Variants in SV2C observed in about 807,000 individuals in gnomAD.
The protein encoded by SV2C is solute carrier family 22 member B3.
In SV2C, 49 loss-of-function variants were observed where a neutral mutation model predicts 79.7. That is an observed-to-expected ratio of 0.61 (90% CI 0.49 to 0.78). The LOEUF is 0.78. Among genes scored for constraint, SV2C ranks in the 30% least tolerant of loss-of-function variants. SV2C has a pLI of 0.00. For missense variants in SV2C, 833 were observed against 912.9 expected (o/e 0.91, Z 1.13); for synonymous variants, 334 against 333.2 (o/e 1.00, Z -0.03).
At chr5:76,000,279 C>G in the SV2C span, among the ~76,000 whole-genome samples, 1 of 152,076 alleles carries the variant, frequency 6.6e-6, no homozygotes, top group African/African-American at 2.4e-5. Flanking sequence ...TATTTTTACC[C>G]TCTCCATGGC....
the SV2C span, among the ~76,000 whole-genome samples, chr5:76,077,178 A>T: frequency 2.0e-5 from 3 of 151,164 alleles, no homozygotes; most frequent in Admixed American, 6.6e-5. Context: ...AGTTTCATTT[A>T]AAAAAAAACA....
chr5:75,917,203 T>A, the SV2C span, among the ~76,000 whole-genome samples: 1 of 152,200 alleles, frequency 6.6e-6, no homozygotes, highest in Non-Finnish European at 1.5e-5. Flanking sequence ...AGATAGTTAT[T>A]TTTTTCAAAA....
intron 1 of SV2C, among the ~76,000 whole-genome samples, chr5:76,112,426 T>G (rs1287363215): frequency 6.6e-6 from 1 of 152,172 alleles, no homozygotes; most frequent in East Asian, 1.9e-4. Flanking sequence ...CAGGAAGTGT[T>G]TGGCCTCTCA....
chr5:76,157,354 G>T (rs1398076485), intron 2 of SV2C, among the ~76,000 whole-genome samples: 1 of 151,982 alleles, frequency 6.6e-6, no homozygotes. Context: ...GATATCCCCA[G>T]ATGAACAAAA....
chr5:75,996,300 T>A, the SV2C span, among the ~76,000 whole-genome samples: 1 of 152,180 alleles, frequency 6.6e-6, no homozygotes, highest in African/African-American at 2.4e-5. Flanking sequence ...GTTGTAGATA[T>A]GCAGCATTAT....
intron 4 of SV2C, among the ~76,000 whole-genome samples, chr5:76,235,921 T>C (rs1745596542): frequency 6.6e-6 from 1 of 152,202 alleles, no homozygotes; most frequent in Admixed American, 6.5e-5. Context: ...ACCGGTTCTA[T>C]ATGAAATTGA....
intron 2 of SV2C, among the ~76,000 whole-genome samples, chr5:76,175,414 G>T (rs1188389130): frequency 2.0e-5 from 3 of 151,812 alleles, no homozygotes; most frequent in Admixed American, 6.5e-5. Flanking sequence ...TAAAGTAGGG[G>T]GATATATATA....
intron 1 of SV2C, among the ~76,000 whole-genome samples, chr5:76,098,328 G>T (rs1173923454): frequency 2.0e-5 from 3 of 152,108 alleles, no homozygotes; most frequent in Non-Finnish European, 4.4e-5. Flanking sequence ...TTGTCCATAA[G>T]CTCAAGGATA....
At chr5:76,182,131 CCTG>C (rs1432157503) in intron 2 of SV2C, among the ~76,000 whole-genome samples, 3 of 152,102 alleles carry the variant, frequency 2.0e-5, no homozygotes, top group Non-Finnish European at 4.4e-5. Context: ...TGAATCATTT[CCTG>C]ATGGTCAGCT....
chr5:75,882,875 A>G, the SV2C span, among the ~76,000 whole-genome samples: 1 of 152,100 alleles, frequency 6.6e-6, no homozygotes, highest in Non-Finnish European at 1.5e-5. Context: ...CTGCACAGCA[A>G]AAGAAACTAC....
intron 12 of SV2C, among the ~76,000 whole-genome samples, chr5:76,311,794 C>T (rs17651697): frequency 0.036 from 5,453 of 152,240 alleles, 146 homozygotes; most frequent in Non-Finnish European, 0.053. Flanking sequence ...GGGGGAGCTT[C>T]CTTTTCCCTC....
At chr5:76,079,937 C>A (rs879804097), upstream of SV2C, among the ~76,000 whole-genome samples, 3 of 151,362 alleles carry the variant, frequency 2.0e-5, no homozygotes, top group Admixed American at 2.0e-4. Flanking sequence ...TTTTGATGAG[C>A]TTAGGGTGTT....
intron 4 of SV2C, among the ~76,000 whole-genome samples, chr5:76,283,177 A>G (rs972471452): frequency 7.9e-5 from 12 of 152,176 alleles, no homozygotes; most frequent in African/African-American, 2.6e-4. Flanking sequence ...GCTGGGCATG[A>G]TGGTGTGCAC....
intron 3 of SV2C, among the ~76,000 whole-genome samples, chr5:76,201,826 GGC>G (rs545029479): frequency 2.6e-3 from 389 of 152,084 alleles, no homozygotes; most frequent in African/African-American, 9.0e-3. Context: ...AGACCATCCT[GGC>G]TAACATGGTG....
At chr5:75,962,471 G>A in the SV2C span, among the ~76,000 whole-genome samples, 1 of 151,904 alleles carries the variant, frequency 6.6e-6, no homozygotes, top group African/African-American at 2.4e-5. Flanking sequence ...AAAATCTGAG[G>A]GTACATATTC....
At chr5:75,998,830 C>T in the SV2C span, among the ~76,000 whole-genome samples, 1 of 152,004 alleles carries the variant, frequency 6.6e-6, no homozygotes, top group Non-Finnish European at 1.5e-5. Context: ...TTCTATCTCT[C>T]ACTCTCTCTC....
chr5:75,967,227 A>G, the SV2C span, among the ~76,000 whole-genome samples: 2 of 152,106 alleles, frequency 1.3e-5, no homozygotes, highest in Non-Finnish European at 2.9e-5. Flanking sequence ...CTGAATAGGA[A>G]CAGCTCCAGT....
At chr5:76,226,590 A>G (rs1288420040) in intron 4 of SV2C, among the ~76,000 whole-genome samples, 2 of 152,250 alleles carry the variant, frequency 1.3e-5, no homozygotes, top group East Asian at 3.8e-4. Flanking sequence ...TTTGGTAAGT[A>G]CATGTTTAGC....
At chr5:75,873,875 G>A in the SV2C span, among the ~76,000 whole-genome samples, 3 of 152,064 alleles carry the variant, frequency 2.0e-5, no homozygotes, top group Non-Finnish European at 2.9e-5. Flanking sequence ...ATTCCCTGAA[G>A]AGACCAATAT....
Sources: gnomAD v4.1 joint callset for allele counts (sites outside exome capture counted in the v4.1 genomes callset) on GRCh38, gnomAD v4.1.1 for gene constraint, MANE v1.5 for transcripts, NCBI Gene and HGNC (gene_info 2026-07-23, HGNC 2026-07-21) for gene names.